CDH10: variants seen among roughly 807,000 people sequenced by gnomAD.
The protein encoded by CDH10 is cadherin 10, also known as cadherin-10.
A neutral mutation model predicts 73.1 loss-of-function variants in CDH10; 30 were observed. That is an observed-to-expected ratio of 0.41 (90% confidence interval 0.31 to 0.56). The LOEUF (loss-of-function observed/expected upper bound fraction) is 0.56. Among genes scored for constraint, CDH10 ranks in the 20% least tolerant of loss-of-function variants. CDH10 has a pLI of 0.27. For synonymous variants in CDH10, 345 were observed against 348.2 expected (o/e 0.99, Z 0.10); for missense variants, 815 against 973.7 (o/e 0.84, Z 2.17).
intron 1 of CDH10, among the ~76,000 whole-genome samples, chr5:24,597,855 C>T (rs1193454353): frequency 6.6e-6 from 1 of 151,826 alleles, no homozygotes; most frequent in Non-Finnish European, 1.5e-5. Context: ...AATTAAGCTA[C>T]AATCTATTCT....
intron 1 of CDH10, among the ~76,000 whole-genome samples, chr5:24,604,871 T>TAAAAAA (rs71576696): frequency 8.6e-6 from 1 of 116,344 alleles, no homozygotes; most frequent in African/African-American, 4.5e-5. Flanking sequence ...AAGATGTCTC[T>TAAAAAA]AAAAAAAAAA....
chr5:24,632,942 G>A (rs1747752172), intron 1 of CDH10, among the ~76,000 whole-genome samples: 1 of 151,636 alleles, frequency 6.6e-6, no homozygotes, highest in Non-Finnish European at 1.5e-5. Context: ...TGATACTTTA[G>A]GATGTAACAT....
chr5:24,597,320 A>G (rs1198339100), intron 1 of CDH10, among the ~76,000 whole-genome samples: 1 of 152,152 alleles, frequency 6.6e-6, no homozygotes, highest in African/African-American at 2.4e-5. Flanking sequence ...TATAATGCCA[A>G]TGCAGGCGGA....
intron 1 of CDH10, among the ~76,000 whole-genome samples, chr5:24,620,475 T>C (rs867917232): frequency 6.6e-6 from 1 of 152,192 alleles, no homozygotes; most frequent in African/African-American, 2.4e-5. Flanking sequence ...ATATAAAATG[T>C]GATTGCATCC....
At chr5:24,524,140 T>C (rs184506908) in intron 5 of CDH10, among the ~76,000 whole-genome samples, 1 of 152,266 alleles carries the variant, frequency 6.6e-6, no homozygotes, top group African/African-American at 2.4e-5. Flanking sequence ...TAATCGTGCT[T>C]TCTCTGGAAT....
At chr5:24,507,952 T>G (rs1742757917) in intron 7 of CDH10, among the ~76,000 whole-genome samples, 1 of 152,198 alleles carries the variant, frequency 6.6e-6, no homozygotes, top group Non-Finnish European at 1.5e-5. Context: ...AACATAGGTA[T>G]TCATAAAATA....
rs1743994428 is a variant in CDH10 at position 24,537,383 on chromosome 5, CA to C, written c.522del (p.Val175Ter). ...TAAACGCTGTAAATGAACTTACCTA[CA>C]ACAGACATTTCGGGAACACTAGCTG... Reference protein sequence around the residue: ...IYTASVPEMSVVGTSVVQVTA... With the variant: ...IYTASVPEMSXVGTSVVQVTA... On this transcript the variant is annotated frameshift_variant, in exon 3 of 12. Coordinates refer to ENST00000264463, the MANE Select transcript of CDH10 (RefSeq NM_006727.5). LOFTEE classifies it high-confidence loss of function. 4 of 1,606,384 alleles carry C rather than the reference CA, an allele frequency of 2.5e-6. No individual in the cohort carries two copies. The highest frequency in any genetic ancestry group is 3.4e-6 in the Non-Finnish European group (4 of 1,175,524).
At position 24,511,409 on chromosome 5, in the gene CDH10, C is replaced by A. The variant is rs753331850; in HGVS notation, c.920G>T (p.Arg307Leu). Residue 307 changes from arginine to leucine, a missense_variant, in exon 6 of 12, where the codon CGA becomes CTA. Arg to Leu is a moderately radical substitution (Grantham distance 102). Coordinates refer to ENST00000264463, the MANE Select transcript of CDH10 (RefSeq NM_006727.5). ...DTGKNAEVEY[R>L]IIDGDGTDMF... is the part of the protein sequence containing the mutation. ...ATCAGTACCGTCACCATCAATAATT[C>A]GGTATTCTACTTCAGCATTTTTCCC... 6.2e-7 allele frequency: 1 copy of A among 1,611,486 alleles called. No homozygotes were observed. Among genetic ancestry groups the A allele is most frequent in the African/African-American group, 1.3e-5 (1 of 74,964 alleles).
At chr5:24,517,843 T>G (rs566142547) in intron 5 of CDH10, among the ~76,000 whole-genome samples, 10 of 152,264 alleles carry the variant, frequency 6.6e-5, no homozygotes, top group African/African-American at 2.2e-4. Context: ...AAAATCTAGG[T>G]TATCTACAAG....
chr5:24,544,015 G>A (rs972844514), intron 2 of CDH10, among the ~76,000 whole-genome samples: 2 of 152,160 alleles, frequency 1.3e-5, no homozygotes, highest in African/African-American at 4.8e-5. Flanking sequence ...AAAGTGGAAG[G>A]CCGGGTGTGG....
At chr5:24,569,930 AT>A (rs1381305394) in intron 2 of CDH10, among the ~76,000 whole-genome samples, 1 of 151,896 alleles carries the variant, frequency 6.6e-6, no homozygotes, top group East Asian at 1.9e-4. Flanking sequence ...CGCCCGGCTA[AT>A]TTTTTTGTAT....
chr5:24,570,888 C>G (rs569246315), intron 2 of CDH10, among the ~76,000 whole-genome samples: 1 of 151,838 alleles, frequency 6.6e-6, no homozygotes, highest in South Asian at 2.1e-4. Flanking sequence ...AAATTATGAC[C>G]CGGCTAGACT....
At chr5:24,525,078 G>C (rs973755371) in intron 5 of CDH10, among the ~76,000 whole-genome samples, 3 of 151,948 alleles carry the variant, frequency 2.0e-5, no homozygotes, top group Non-Finnish European at 4.4e-5. Flanking sequence ...GATATAATAG[G>C]TGATTTAAGA....
intron 5 of CDH10, among the ~76,000 whole-genome samples, chr5:24,518,477 G>A (rs961208196): frequency 1.3e-4 from 20 of 151,758 alleles, no homozygotes; most frequent in Admixed American, 2.0e-4. Context: ...ATAAATACAC[G>A]TAAATATATG....
At chr5:24,618,017 G>T (rs893273264) in intron 1 of CDH10, among the ~76,000 whole-genome samples, 1 of 152,120 alleles carries the variant, frequency 6.6e-6, no homozygotes, top group Admixed American at 6.5e-5. Flanking sequence ...ATGGCTAAAA[G>T]GGTAGTTAAC....
At chr5:24,634,099 A>C (rs920349952) in intron 1 of CDH10, among the ~76,000 whole-genome samples, 1 of 151,808 alleles carries the variant, frequency 6.6e-6, no homozygotes, top group Non-Finnish European at 1.5e-5. Flanking sequence ...TCAGACATTC[A>C]AAAAAACACA....
At chr5:24,491,245 C>G (rs1465030826) in intron 11 of CDH10, among the ~76,000 whole-genome samples, 2 of 152,152 alleles carry the variant, frequency 1.3e-5, no homozygotes, top group Admixed American at 6.6e-5. Flanking sequence ...CCTACACATG[C>G]CATTCTGCAT....
At chr5:24,607,311 G>A (rs1429954084) in intron 1 of CDH10, among the ~76,000 whole-genome samples, 2 of 152,182 alleles carry the variant, frequency 1.3e-5, no homozygotes, top group South Asian at 4.1e-4. Flanking sequence ...ACAAGGGTGG[G>A]AGAGTTACTC....
chr5:24,571,708 G>A (rs1579824868), intron 2 of CDH10, among the ~76,000 whole-genome samples: 1 of 151,608 alleles, frequency 6.6e-6, no homozygotes, highest in Non-Finnish European at 1.5e-5. Context: ...ATAGTTCTAT[G>A]AAAAAAAATA....
Sources: gnomAD v4.1 joint callset for allele counts (sites outside exome capture counted in the v4.1 genomes callset) on GRCh38, gnomAD v4.1.1 for gene constraint, MANE v1.5 for transcripts, NCBI Gene and HGNC (gene_info 2026-07-23, HGNC 2026-07-21) for gene names.